Variants in SLCO3A1 observed in about 807,000 individuals in gnomAD.
SLCO3A1 encodes PGE1 transporter.
In SLCO3A1, 27 loss-of-function variants were observed where a neutral mutation model predicts 63.1. The ratio of observed to expected loss-of-function variants is 0.43; its 90% confidence interval spans 0.32 to 0.59. SLCO3A1 has a LOEUF of 0.59. Among genes scored for constraint, SLCO3A1 ranks in the 20% least tolerant of loss-of-function variants. The probability of loss-of-function intolerance (pLI) is 0.09; values close to 1 mark genes in which losing one functional copy is unlikely to be tolerated. For synonymous variants in SLCO3A1, 473 were observed against 409.9 expected (o/e 1.15, Z -1.86); for missense variants, 773 against 945.8 (o/e 0.82, Z 2.40).
At chr15:92,150,798 A>AAAG (rs2048295003) in intron 8 of SLCO3A1, 152 bp from the exon 9 acceptor site, 3 of 509,438 alleles carry the variant, frequency 5.9e-6, no homozygotes, top group African/African-American at 1.9e-5. Context: ...AGAAAAAAAA[A>AAAG]AAGACACTAT....
downstream of SLCO3A1, among the ~76,000 whole-genome samples, chr15:92,167,680 A>G (rs1596164372): frequency 6.6e-6 from 1 of 152,216 alleles, no homozygotes; most frequent in Non-Finnish European, 1.5e-5. Flanking sequence ...TTTTTGTTCA[A>G]ATGCCTCTTA....
chr15:91,962,656 A>T (rs1363650110), intron 2 of SLCO3A1, among the ~76,000 whole-genome samples: 1 of 151,940 alleles, frequency 6.6e-6, no homozygotes, highest in African/African-American at 2.4e-5. Flanking sequence ...TCCTAAGCCC[A>T]ACGGAGAGCC....
chr15:92,161,169 T>C lies in SLCO3A1; in HGVS notation c.1754-1587T>C, dbSNP rs143170296. On this transcript the variant is annotated intron_variant, in intron 9 of 9. Transcript: ENST00000318445. ...TCCTCCTGCAGTCTGTCACTGAAGA[T>C]GGTTGGCACTTTATTCTGGCCTCAA... is the stretch of plus-strand genomic sequence containing the variant. Among the ~76,000 whole-genome samples the C allele has an allele frequency of 2.7e-3, 414 of 152,290 alleles. 2 individuals are homozygous for C. The highest frequency in any genetic ancestry group is 9.6e-3 in the African/African-American group (397 of 41,562).
At chr15:92,113,139 C>G (rs2047749930) in intron 4 of SLCO3A1, among the ~76,000 whole-genome samples, 1 of 152,178 alleles carries the variant, frequency 6.6e-6, no homozygotes, top group Non-Finnish European at 1.5e-5. Context: ...TTGCTGCCTC[C>G]CAGGCTCCTT....
chr15:92,020,991 G>A (rs1170563498), intron 2 of SLCO3A1, among the ~76,000 whole-genome samples: 1 of 152,210 alleles, frequency 6.6e-6, no homozygotes, highest in African/African-American at 2.4e-5. Context: ...CCAAACCACA[G>A]TTCTTGCCTA....
chr15:92,094,396 GT>G (rs1444479063), intron 2 of SLCO3A1, among the ~76,000 whole-genome samples: 2 of 152,158 alleles, frequency 1.3e-5, no homozygotes, highest in African/African-American at 4.8e-5. Context: ...AGTCTTGAAC[GT>G]TTTATTATAT....
At chr15:91,963,163 G>T (rs1023146363) in intron 2 of SLCO3A1, among the ~76,000 whole-genome samples, 4 of 152,118 alleles carry the variant, frequency 2.6e-5, no homozygotes, top group African/African-American at 9.7e-5. Context: ...GTCCTGTTAA[G>T]AATTCCTTTG....
chr15:92,035,303 T>C, intron 2 of SLCO3A1, among the ~76,000 whole-genome samples: 1 of 151,844 alleles, frequency 6.6e-6, no homozygotes, highest in East Asian at 1.9e-4. Context: ...AAAAGTGAAC[T>C]TTGCCAATGG....
At chr15:91,944,400 C>G (rs905116364) in intron 2 of SLCO3A1, among the ~76,000 whole-genome samples, 10 of 152,128 alleles carry the variant, frequency 6.6e-5, no homozygotes, top group Non-Finnish European at 8.8e-5. Flanking sequence ...GCTCCCAGAC[C>G]TATCCACCAA....
In SLCO3A1 at chr15:92,147,118, C is replaced by T. The variant is rs78550975; in HGVS notation, c.1647C>T (p.Ile549=). The part of the protein sequence containing the change: ...FLCVMCICSL[I]GAMAQTPSVI... ...GTGTGATGTGTATCTGCAGCCTGAT[C>T]GGTGCCATGGCACAGACACCCTCAG... Residue 549 remains isoleucine (I), a synonymous_variant, in exon 8 of 10, where the codon ATC becomes ATT. Coordinates refer to ENST00000318445, the MANE Select transcript of SLCO3A1 (RefSeq NM_013272.4). 5,356 of 1,612,590 alleles carry T rather than the reference C, an allele frequency of 3.3e-3. 37 individuals are homozygous for T. The highest frequency in any genetic ancestry group is 2.8e-3 in the Non-Finnish European group (3,304 of 1,179,950).
intron 2 of SLCO3A1, among the ~76,000 whole-genome samples, chr15:92,015,775 C>G (rs1236758075): frequency 6.6e-6 from 1 of 152,162 alleles, no homozygotes; most frequent in Non-Finnish European, 1.5e-5. Flanking sequence ...TCCCTGCTTG[C>G]TGGTGGGGCC....
chr15:92,101,036 G>A (rs1336708515), intron 3 of SLCO3A1, among the ~76,000 whole-genome samples: 1 of 152,170 alleles, frequency 6.6e-6, no homozygotes, highest in Non-Finnish European at 1.5e-5. Flanking sequence ...CTTGTCCTCA[G>A]AGGAAGAGGA....
chr15:92,147,668 A>G (rs1439793350), intron 8 of SLCO3A1, among the ~76,000 whole-genome samples: 7 of 152,220 alleles, frequency 4.6e-5, no homozygotes, highest in Non-Finnish European at 8.8e-5. Flanking sequence ...ATTGTGCAGC[A>G]GGGCTCACGG....
At chr15:91,957,762 A>G (rs142262324) in intron 2 of SLCO3A1, among the ~76,000 whole-genome samples, 5 of 152,322 alleles carry the variant, frequency 3.3e-5, no homozygotes, top group African/African-American at 1.2e-4. Flanking sequence ...CATAGAACTT[A>G]GCCCCACCAG....
chr15:92,159,225 G>A (rs577761609), intron 9 of SLCO3A1, among the ~76,000 whole-genome samples: 15 of 152,276 alleles, frequency 9.9e-5, no homozygotes, highest in African/African-American at 2.9e-4. Context: ...GGTGGCTCAC[G>A]CCTGTAATCC....
In SLCO3A1 at chr15:91,912,836, T is replaced by G. The variant is rs1363691044; in HGVS notation, c.181-3157T>G. 6.6e-6 allele frequency among the ~76,000 whole-genome samples: 1 copy of G among 152,046 alleles called. No homozygotes were observed. The highest frequency in any genetic ancestry group is 1.5e-5 in the Non-Finnish European group (1 of 67,992). On this transcript the variant is annotated intron_variant, in intron 1 of 9. Coordinates refer to ENST00000318445, the MANE Select transcript of SLCO3A1 (RefSeq NM_013272.4). The surrounding 1 kb of genome is among the most constrained non-coding windows in gnomAD (Gnocchi z 5.0). Reference sequence around the variant, plus strand: ...TGTTCTTTTCCACTTCTGCATCCAGTCCCCTTTGGACCTCTCAAGACTCAC... The same window carrying G: ...TGTTCTTTTCCACTTCTGCATCCAGGCCCCTTTGGACCTCTCAAGACTCAC...
At chr15:91,921,503 A>G (rs975583428) in intron 2 of SLCO3A1, among the ~76,000 whole-genome samples, 9 of 152,198 alleles carry the variant, frequency 5.9e-5, no homozygotes, top group African/African-American at 1.9e-4. Context: ...AAGGAGCTGT[A>G]TTGTAATTTT....
chr15:92,168,361 C>T (rs2048504324), downstream of SLCO3A1, among the ~76,000 whole-genome samples: 1 of 152,198 alleles, frequency 6.6e-6, no homozygotes, highest in Non-Finnish European at 1.5e-5. Flanking sequence ...AGTTTTTTCT[C>T]TAATGGGCCA....
chr15:92,111,940 T>G (rs1214940347), intron 4 of SLCO3A1, among the ~76,000 whole-genome samples: 1 of 152,174 alleles, frequency 6.6e-6, no homozygotes, highest in Non-Finnish European at 1.5e-5. Context: ...CTCTCTGAGA[T>G]TCATACTTCT....
Sources: gnomAD v4.1 joint callset for allele counts (sites outside exome capture counted in the v4.1 genomes callset) on GRCh38, gnomAD v4.1.1 for gene constraint, Gnocchi (gnomAD v3.1) non-coding constraint, MANE v1.5 for transcripts, NCBI Gene and HGNC (gene_info 2026-07-23, HGNC 2026-07-21) for gene names.